Variants in OR5V1 observed in about 807,000 individuals in gnomAD.
OR5V1 encodes olfactory receptor 5V1.
For synonymous variants in OR5V1, 134 were observed against 143.2 expected, an observed-to-expected ratio of 0.94 and a Z score of 0.46; for missense variants, 365 against 371.5, an observed-to-expected ratio of 0.98 and a Z score of 0.14.
At chr6:29,358,082 G>A (rs1241664851) in intron 1 of OR5V1, among the ~76,000 whole-genome samples, 1 of 152,094 alleles carries the variant, frequency 6.6e-6, no homozygotes, top group Non-Finnish European at 1.5e-5. Flanking sequence ...TATTTTTAAT[G>A]AAGGGAGAGG....
At chr6:29,367,844 T>C (rs1778928157) in intron 1 of OR5V1, among the ~76,000 whole-genome samples, 1 of 152,154 alleles carries the variant, frequency 6.6e-6, no homozygotes, top group African/African-American at 2.4e-5. Context: ...AAATTACTGC[T>C]TTTCCAAGCA....
rs1778165662 is a variant in OR5V1, at chr6:29,354,588, C to G, written c.*642G>C. The stretch of plus-strand genomic sequence containing the variant: ...TTTGGGGACTTAGTTTTAGAAAAAT[C>G]CCTCAGGAAATTCTGCCTTTTGAAT... On this transcript the variant is annotated 3_prime_UTR_variant, in exon 2 of 2. Transcript: ENST00000641768. 1 of 152,002 alleles carries G rather than the reference C, an allele frequency of 6.6e-6. No homozygotes were observed. The highest frequency in any genetic ancestry group is 1.5e-5 in the Non-Finnish European group (1 of 67,948). The allele number at this position is 152,002 out of a possible 1,614,324, so 9.4% of individuals were successfully genotyped here.
rs77923085 is a variant in OR5V1 at position 29,355,095 on chromosome 6, A to G, written c.*135T>C. On this transcript the variant is annotated 3_prime_UTR_variant, in exon 2 of 2. Transcript: ENST00000641768. ...TAGAACTAACTAAAGCTCAAGAATA[A>G]GTACACTTAGACTGGAGTGTATCAA... 34,809 of 742,194 alleles carry G rather than the reference A, an allele frequency of 0.047. 1,358 individuals are homozygous for G. The highest frequency in any genetic ancestry group is 0.17 in the East Asian group (6,021 of 36,020). 46.0% of individuals were successfully genotyped at this position (742,194 alleles called of 1,614,324 possible).
intron 1 of OR5V1, among the ~76,000 whole-genome samples, chr6:29,362,000 A>T (rs1039044231): frequency 6.6e-6 from 1 of 152,216 alleles, no homozygotes; most frequent in African/African-American, 2.4e-5. Context: ...CAAATTGAAT[A>T]AAGTGTCAAG....
intron 1 of OR5V1, among the ~76,000 whole-genome samples, chr6:29,359,814 C>G (rs1778483193): frequency 6.6e-6 from 1 of 152,196 alleles, no homozygotes; most frequent in Non-Finnish European, 1.5e-5. Context: ...GCCTACACCA[C>G]CAGGGGCCTG....
intron 1 of OR5V1, among the ~76,000 whole-genome samples, chr6:29,357,146 A>C (rs968435276): frequency 6.6e-6 from 1 of 152,174 alleles, no homozygotes; most frequent in African/African-American, 2.4e-5. Context: ...AAAATTCAAG[A>C]GCTATTTGGC....
chr6:29,364,979 A>T (rs976773078), intron 1 of OR5V1, among the ~76,000 whole-genome samples: 20 of 151,754 alleles, frequency 1.3e-4, no homozygotes, highest in African/African-American at 4.8e-4. Flanking sequence ...AACCTGACAA[A>T]CCTGACAAAA....
intron 1 of OR5V1, among the ~76,000 whole-genome samples, chr6:29,358,671 A>G (rs1778427659): frequency 1.3e-5 from 2 of 152,324 alleles, no homozygotes; most frequent in South Asian, 4.1e-4. Context: ...GCTAGAGGAC[A>G]TTATGCTGAG....
intron 1 of OR5V1, among the ~76,000 whole-genome samples, chr6:29,366,293 A>C (rs1177056187): frequency 2.0e-5 from 3 of 149,502 alleles, no homozygotes; most frequent in African/African-American, 7.4e-5. Flanking sequence ...CACATTCTGC[A>C]TATGTATCCC....
rs1211743986 is a variant in OR5V1, at chr6:29,353,913, A to T, written c.*1317T>A. 1 of 152,036 alleles carries T rather than the reference A, an allele frequency of 6.6e-6. No individual in the cohort carries two copies. The highest frequency in any genetic ancestry group is 1.5e-5 in the Non-Finnish European group (1 of 67,962). The allele number at this position is 152,036 out of a possible 1,614,324, so 9.4% of individuals were successfully genotyped here. A position where few individuals can be genotyped will look rare whatever the true frequency, so the allele number is the denominator to read the frequency against. ...CAGTAGAGTTTATTAAAACAAAAACAGTATAGGAGACTGTACATAACACCA... is the reference window on the plus strand; with the variant it reads ...CAGTAGAGTTTATTAAAACAAAAACTGTATAGGAGACTGTACATAACACCA... On this transcript the variant is annotated 3_prime_UTR_variant, in exon 2 of 2. Transcript: ENST00000641768.
chr6:29,359,712 C>T (rs997873462), intron 1 of OR5V1, among the ~76,000 whole-genome samples: 1 of 152,156 alleles, frequency 6.6e-6, no homozygotes, highest in Non-Finnish European at 1.5e-5. Flanking sequence ...CTTCCCCAGC[C>T]AAGGGAAGCT....
At chr6:29,359,941 G>C (rs1205509072) in intron 1 of OR5V1, among the ~76,000 whole-genome samples, 1 of 152,188 alleles carries the variant, frequency 6.6e-6, no homozygotes, top group African/African-American at 2.4e-5. Context: ...CACTCCCCTG[G>C]AAAGGGGGCT....
rs995232813 is a variant in OR5V1, at chr6:29,354,359, T to C, written c.*871A>G. ...CTGTACTTTACATGGTAATAACACA[T>C]AGAAAATAGTAATTAAGTACTTTTA... On this transcript the variant is annotated 3_prime_UTR_variant, in exon 2 of 2. Coordinates refer to ENST00000641768, the MANE Select transcript of OR5V1 (RefSeq NM_030876.6). 2.0e-5 allele frequency: 3 copies of C among 152,106 alleles called. No individual in the cohort carries two copies. The highest frequency in any genetic ancestry group is 6.5e-5 in the Admixed American group (1 of 15,268). 9.4% of individuals were successfully genotyped at this position (152,106 alleles called of 1,614,324 possible). A position where few individuals can be genotyped will look rare whatever the true frequency, so the allele number is the denominator to read the frequency against.
chr6:29,363,609 G>T (rs1409804564), intron 1 of OR5V1, among the ~76,000 whole-genome samples: 2 of 152,116 alleles, frequency 1.3e-5, no homozygotes, highest in Admixed American at 1.3e-4. Context: ...CTACAATCAA[G>T]TCGGCTTCAT....
rs1261699592 is a variant in OR5V1, at chr6:29,355,041, T to C, written c.*189A>G. ...TGGAAAAATAAATAAGAAGATAATATCTAAAGAGAGCAACATTGATATCTC... is the reference window on the plus strand; with the variant it reads ...TGGAAAAATAAATAAGAAGATAATACCTAAAGAGAGCAACATTGATATCTC... On this transcript the variant is annotated 3_prime_UTR_variant, in exon 2 of 2. Coordinates refer to ENST00000641768, the MANE Select transcript of OR5V1 (RefSeq NM_030876.6). 5 of 472,168 alleles carry C rather than the reference T, an allele frequency of 1.1e-5. No individual in the cohort carries two copies. In the South Asian group the frequency reaches 3.4e-4, roughly 32 times the overall value. The allele number at this position is 472,168 out of a possible 1,614,324, so 29.2% of individuals were successfully genotyped here. A position where few individuals can be genotyped will look rare whatever the true frequency, so the allele number is the denominator to read the frequency against.
intron 1 of OR5V1, among the ~76,000 whole-genome samples, chr6:29,356,807 A>G (rs183762121): frequency 3.3e-5 from 5 of 152,272 alleles, no homozygotes; most frequent in Admixed American, 1.3e-4. Context: ...TCCATTTTCC[A>G]TATAGAAATG....
chr6:29,359,868 G>A (rs1344430598), intron 1 of OR5V1, among the ~76,000 whole-genome samples: 1 of 152,172 alleles, frequency 6.6e-6, no homozygotes, highest in African/African-American at 2.4e-5. Context: ...CAGACACTGA[G>A]CCAGCTGCAG....
At position 29,354,472 on chromosome 6, in the gene OR5V1, T is replaced by G. The variant is rs1349759355; in HGVS notation, c.*758A>C. 2.0e-5 allele frequency: 3 copies of G among 152,130 alleles called. No individual in the cohort carries two copies. Among genetic ancestry groups the G allele is most frequent in the Non-Finnish European group, 4.4e-5 (3 of 67,996 alleles). The allele number at this position is 152,130 out of a possible 1,614,324, so 9.4% of individuals were successfully genotyped here. A position where few individuals can be genotyped will look rare whatever the true frequency, so the allele number is the denominator to read the frequency against. ...TTATTCCCCATCAAAAAACCCTTGT[T>G]TTTTCTGTATGTTTTATCTGATTCT... On this transcript the variant is annotated 3_prime_UTR_variant, in exon 2 of 2. Transcript: ENST00000641768.
rs1266848663 is a variant in OR5V1 at position 29,355,315 on chromosome 6, T to TAGGAC, written c.880_881insGTCCT (p.Asn294SerfsTer13). ...TTTGACAGCTTCTTTGATGTCCTTA[T>TAGGAC]TCCTCAATGTGTAAATTATAGGGTT... On this transcript the variant is annotated frameshift_variant, in exon 2 of 2. Transcript: ENST00000641768. LOFTEE classifies it low-confidence loss of function (END_TRUNC). 2 of 1,613,716 alleles carry TAGGAC rather than the reference T, an allele frequency of 1.2e-6. No homozygotes were observed.
Sources: gnomAD v4.1 joint callset for allele counts (sites outside exome capture counted in the v4.1 genomes callset) on GRCh38, gnomAD v4.1.1 for gene constraint, MANE v1.5 for transcripts, NCBI Gene and HGNC (gene_info 2026-07-23, HGNC 2026-07-21) for gene names.